The following WDR25 variants were observed in gnomAD, a reference collection of about 807,000 sequenced individuals.
The protein encoded by WDR25 is WD repeat domain 25.
Under a neutral mutation model 47.7 loss-of-function variants are expected in WDR25, and 35 were observed. The observed-to-expected ratio is 0.73, with a 90% CI of 0.56 to 0.97. The LOEUF is 0.97. WDR25 is among the 50% of genes least tolerant of loss of function. WDR25 has a pLI of 0.00. For synonymous variants in WDR25, 248 were observed against 278.9 expected, an observed-to-expected ratio of 0.89 and a Z score of 1.10; for missense variants, 634 against 704.7, an observed-to-expected ratio of 0.90 and a Z score of 1.14.
At chr14:100,406,820 C>T (rs559676225) in intron 2 of WDR25, 8 of 152,508 alleles carry the variant, frequency 5.2e-5, no homozygotes, top group Admixed American at 2.0e-4. Context: ...ATGAAAGACA[C>T]ACCATGGGGA....
intron 2 of WDR25, among the ~76,000 whole-genome samples, chr14:100,408,160 G>A (rs915615636): frequency 6.6e-6 from 1 of 152,124 alleles, no homozygotes; most frequent in Non-Finnish European, 1.5e-5. Context: ...GTGAAGCGGT[G>A]TGTAAAACTG....
chr14:100,493,222 G>A (rs985582545), intron 4 of WDR25, among the ~76,000 whole-genome samples: 1 of 152,152 alleles, frequency 6.6e-6, no homozygotes, highest in African/African-American at 2.4e-5. Context: ...TGCAGCCACA[G>A]CAGTCGGTTG....
At position 100,430,054 on chromosome 14, in the gene WDR25, A is replaced by G. The variant is rs181939397; in HGVS notation, c.823-37967A>G. 1.6e-3 allele frequency among the ~76,000 whole-genome samples: 246 copies of G among 152,184 alleles called. No homozygotes were observed. The Middle Eastern group carries it at 0.027, about 17-fold the overall frequency. ...CTGCCTGACACATGGCAAGTGCTCA[A>G]TGAATGTTTGTTATATTTGAATCTG... On this transcript the variant is annotated intron_variant, in intron 2 of 6. Coordinates refer to ENST00000402312, the MANE Select transcript of WDR25 (RefSeq NM_001161476.3). This position sits in a 1 kb window ranked among gnomAD's most constrained non-coding sequence, Gnocchi z 4.7.
At chr14:100,485,459 A>G (rs1485600733) in intron 4 of WDR25, among the ~76,000 whole-genome samples, 2 of 152,296 alleles carry the variant, frequency 1.3e-5, no homozygotes, top group East Asian at 3.9e-4. Flanking sequence ...ATCATGATTG[A>G]CTGAGTAAAT....
intron 2 of WDR25, among the ~76,000 whole-genome samples, chr14:100,433,280 A>G (rs7154022): frequency 0.07 from 10,602 of 152,282 alleles, 926 homozygotes; most frequent in African/African-American, 0.21. Context: ...CAGTTATTTT[A>G]TAGACCTTCA....
chr14:100,508,569 A>G (rs1390021205), intron 4 of WDR25, among the ~76,000 whole-genome samples: 1 of 152,190 alleles, frequency 6.6e-6, no homozygotes, highest in Non-Finnish European at 1.5e-5. Context: ...ATTATTTTAC[A>G]GCTTTCTTTC....
Position 100,501,182 on chromosome 14 carries a change from C to T in WDR25, c.1101+17058C>T, listed in dbSNP as rs557350015. Among the ~76,000 whole-genome samples the T allele has an allele frequency of 4.6e-5, 7 of 152,058 alleles. No homozygotes were observed. The South Asian group carries it at 8.3e-4, about 18-fold the overall frequency. On this transcript the variant is annotated intron_variant, in intron 4 of 6. Coordinates refer to ENST00000402312, the MANE Select transcript of WDR25 (RefSeq NM_001161476.3). ...GGGCAGGGCACTTCACCTGTCTGAC[C>T]TCAGTGTCCTCAACTGTACAGTGCA...
chr14:100,477,283 C>T (rs1375633407), intron 3 of WDR25, among the ~76,000 whole-genome samples: 1 of 152,150 alleles, frequency 6.6e-6, no homozygotes, highest in Non-Finnish European at 1.5e-5. Context: ...TTTGCTTTAA[C>T]AATTTTTTTA....
rs181377523 is a variant in WDR25, at chr14:100,502,378, G to A, written c.1101+18254G>A. Among the ~76,000 whole-genome samples, 308 of 152,350 alleles carry A rather than the reference G, an allele frequency of 2.0e-3. 4 individuals are homozygous for A. The highest frequency in any genetic ancestry group is 0.016 in the Admixed American group (244 of 15,314). ...CAGTTTCCCCATCTGCCAGGAATAGGCTGAACTCCATGACCTAGCCTGTGT... is the reference window on the plus strand; with the variant it reads ...CAGTTTCCCCATCTGCCAGGAATAGACTGAACTCCATGACCTAGCCTGTGT... On this transcript the variant is annotated intron_variant, in intron 4 of 6. Transcript: ENST00000402312. This position sits in a 1 kb window ranked among gnomAD's most constrained non-coding sequence, Gnocchi z 4.5.
chr14:100,508,547 C>T (rs1901194033), intron 4 of WDR25, among the ~76,000 whole-genome samples: 1 of 152,166 alleles, frequency 6.6e-6, no homozygotes, highest in African/African-American at 2.4e-5. Context: ...TTTACATGAT[C>T]ATGTAGTCTG....
At chr14:100,377,459 A>G (rs943859421) in intron 1 of WDR25, among the ~76,000 whole-genome samples, 3 of 148,240 alleles carry the variant, frequency 2.0e-5, no homozygotes, top group African/African-American at 7.4e-5. Context: ...ACCACTGCAC[A>G]CGGCTAAATT....
chr14:100,413,556 G>GGC (rs1331391489), intron 2 of WDR25, among the ~76,000 whole-genome samples: 2 of 152,054 alleles, frequency 1.3e-5, no homozygotes, highest in African/African-American at 4.8e-5. Flanking sequence ...TGGGACTACA[G>GGC]GCGCCCACCA....
At position 100,451,187 on chromosome 14, in the gene WDR25, C is replaced by A. The variant is rs1200018865; in HGVS notation, c.823-16834C>A. 2.0e-5 allele frequency among the ~76,000 whole-genome samples: 3 copies of A among 151,748 alleles called. No individual in the cohort carries two copies. In the East Asian group the frequency reaches 5.8e-4, roughly 29 times the overall value. ...GCAGGCAGTAGAATTCATGGCCTTGCAGGATTAAAAGACAGACATGCTTGC... is the reference window on the plus strand; with the variant it reads ...GCAGGCAGTAGAATTCATGGCCTTGAAGGATTAAAAGACAGACATGCTTGC... On this transcript the variant is annotated intron_variant, in intron 2 of 6. Coordinates refer to ENST00000402312, the MANE Select transcript of WDR25 (RefSeq NM_001161476.3).
rs1897170016 is a variant in WDR25 at position 100,392,631 on chromosome 14, C to T, written c.822+10885C>T. Among the ~76,000 whole-genome samples the T allele has an allele frequency of 6.6e-6, 1 of 152,100 alleles. No homozygotes were observed. The highest frequency in any genetic ancestry group is 1.5e-5 in the Non-Finnish European group (1 of 68,032). The stretch of plus-strand genomic sequence containing the variant: ...GCGTGCAGCTCTGCAGCCTGTCTTT[C>T]CATTTAACATTCTCTCCCAGCCCTG... On this transcript the variant is annotated intron_variant, in intron 2 of 6. Transcript: ENST00000402312. The surrounding 1 kb of genome is among the most constrained non-coding windows in gnomAD (Gnocchi z 4.2).
intron 2 of WDR25, among the ~76,000 whole-genome samples, chr14:100,391,074 C>G (rs1056771568): frequency 1.3e-5 from 2 of 152,176 alleles, no homozygotes; most frequent in South Asian, 2.1e-4. Flanking sequence ...CCTCTTCCCC[C>G]CCAGGGTGTT....
chr14:100,510,269 C>CA lies in WDR25; in HGVS notation c.1102-15587dup, dbSNP rs35103618. Among the ~76,000 whole-genome samples, 1,287 of 142,592 alleles carry CA rather than the reference C, an allele frequency of 9.0e-3. 21 individuals carry two copies. The highest frequency in any genetic ancestry group is 0.031 in the African/African-American group (1,202 of 39,168). 93.5% of individuals were successfully genotyped at this position (142,592 alleles called of 152,430 possible). A position where few individuals can be genotyped will look rare whatever the true frequency, so the allele number is the denominator to read the frequency against. On this transcript the variant is annotated intron_variant, in intron 4 of 6. Transcript: ENST00000402312. ...TGGGTGACAGAACGAGACTCCATGT[C>CA]AAAAAAAAAAAAAATTAATTTTTAG...
intron 2 of WDR25, among the ~76,000 whole-genome samples, chr14:100,416,481 A>G (rs1897872960): frequency 6.6e-6 from 1 of 152,144 alleles, no homozygotes; most frequent in Non-Finnish European, 1.5e-5. Context: ...TTCCTATCAC[A>G]AACTGCCTGC....
At chr14:100,399,154 T>G (rs1422512032) in intron 2 of WDR25, among the ~76,000 whole-genome samples, 1 of 152,130 alleles carries the variant, frequency 6.6e-6, no homozygotes, top group Non-Finnish European at 1.5e-5. Flanking sequence ...ATGTTGACAT[T>G]AGCTAGAATT....
chr14:100,514,767 ATAT>A lies in WDR25; in HGVS notation c.1102-11099_1102-11097del, dbSNP rs201316996. On this transcript the variant is annotated intron_variant, in intron 4 of 6. Coordinates refer to ENST00000402312, the MANE Select transcript of WDR25 (RefSeq NM_001161476.3). ...TTAAAAATATTTTAATAATAAAAAGATATTATCTATTTTCCTACATATGTATTA... is the reference window on the plus strand; with the variant it reads ...TTAAAAATATTTTAATAATAAAAAGATATCTATTTTCCTACATATGTATTA... 1.2e-3 allele frequency among the ~76,000 whole-genome samples: 176 copies of A among 152,146 alleles called. 1 individual carries two copies. In the East Asian group the frequency reaches 0.016, roughly 14 times the overall value.
Sources: gnomAD v4.1 joint callset for allele counts (sites outside exome capture counted in the v4.1 genomes callset) on GRCh38, gnomAD v4.1.1 for gene constraint, Gnocchi (gnomAD v3.1) non-coding constraint, MANE v1.5 for transcripts, NCBI Gene and HGNC (gene_info 2026-07-23, HGNC 2026-07-21) for gene names.